Variants in FHIT observed in about 807,000 individuals in gnomAD.
The protein encoded by FHIT is fragile histidine triad diadenosine triphosphatase, also known as bis(5'-adenosyl)-triphosphatase.
Under a neutral mutation model 17.9 loss-of-function variants are expected in FHIT, and 19 were observed. The observed-to-expected ratio is 1.06, with a 90% CI of 0.74 to 1.56. FHIT has a LOEUF of 1.56. Ranked by LOEUF, FHIT falls within the 40% of genes most tolerant of loss-of-function variation. The pLI, the probability that FHIT is intolerant of heterozygous loss-of-function variation, is 0.00. For missense variants in FHIT, 248 were observed against 189.2 expected (o/e 1.31, Z -1.82); for synonymous variants, 81 against 69.7 (o/e 1.16, Z -0.81).
chr3:59,875,741 T>G (rs953152765), intron 8 of FHIT, among the ~76,000 whole-genome samples: 2 of 152,150 alleles, frequency 1.3e-5, no homozygotes, highest in Admixed American at 1.3e-4. Context: ...AACGATGGCT[T>G]AACAAGAGAT....
intron 5 of FHIT, among the ~76,000 whole-genome samples, chr3:60,209,626 A>G (rs1703357771): frequency 1.3e-5 from 2 of 152,298 alleles, no homozygotes; most frequent in South Asian, 4.2e-4. Context: ...TTCAGCCAAC[A>G]AGGAAAGTGA....
At chr3:60,122,687 G>C (rs28716988) in intron 5 of FHIT, among the ~76,000 whole-genome samples, 24,642 of 152,086 alleles carry the variant, frequency 0.16, 2,108 homozygotes, top group African/African-American at 0.19. Flanking sequence ...TAGAAACTTT[G>C]GCTGGGGAGA....
chr3:60,154,342 C>T (rs903303075), intron 5 of FHIT, among the ~76,000 whole-genome samples: 1 of 152,130 alleles, frequency 6.6e-6, no homozygotes, highest in African/African-American at 2.4e-5. Context: ...GGTCAAAAAC[C>T]AAACAGGCCA....
intron 5 of FHIT, among the ~76,000 whole-genome samples, chr3:60,209,304 A>G (rs1337487660): frequency 6.6e-6 from 1 of 152,212 alleles, no homozygotes. Flanking sequence ...AAGTATGTGC[A>G]CAGCTATATT....
chr3:59,754,952 CCCACCCCAGGGATTCTGATTT>C, intron 8 of FHIT, among the ~76,000 whole-genome samples: 1 of 123,476 alleles, frequency 8.1e-6, no homozygotes, highest in Non-Finnish European at 1.9e-5. Flanking sequence ...AAAAATAAAA[CCCACCCCAGGGATTCTGATTT>C]AATTGGTCTG....
intron 3 of FHIT, among the ~76,000 whole-genome samples, chr3:60,840,954 T>C (rs1033234182): frequency 2.0e-5 from 3 of 152,220 alleles, no homozygotes; most frequent in Non-Finnish European, 4.4e-5. Flanking sequence ...TCATGTACAT[T>C]TTGCTTGATA....
Position 60,156,274 on chromosome 3 carries a change from C to T in FHIT, c.104-142122G>A, listed in dbSNP as rs185138807. ...CTGAGGCAGGAGAGTTGCTTGAACC[C>T]GGGAGGCAGAGGTTGCAGTGAGCCG... On this transcript the variant is annotated intron_variant, in intron 5 of 9. Transcript: ENST00000492590. Among the ~76,000 whole-genome samples the T allele has an allele frequency of 3.6e-4, 54 of 150,490 alleles. No individual in the cohort carries two copies. In the East Asian group the frequency reaches 6.9e-3, roughly 19 times the overall value.
chr3:60,787,375 C>T (rs1700619576), intron 4 of FHIT, among the ~76,000 whole-genome samples: 1 of 152,146 alleles, frequency 6.6e-6, no homozygotes, highest in African/African-American at 2.4e-5. Context: ...CTCTCCTGGA[C>T]CCCTCATCCT....
rs1459013183 is a variant in FHIT at position 60,348,117 on chromosome 3, G to A, written c.103+188743C>T. Among the ~76,000 whole-genome samples the A allele has an allele frequency of 1.2e-4, 9 of 72,172 alleles. No homozygotes were observed. In the South Asian group the frequency reaches 3.3e-3, roughly 27 times the overall value. 47.3% of individuals were successfully genotyped at this position (72,172 alleles called of 152,430 possible). On this transcript the variant is annotated intron_variant, in intron 5 of 9. Transcript: ENST00000492590. ...ATTAGTAACATGAATAATCCTGTAA[G>A]GGCAAAAAGTATACTGAAAAAAAAA... is the stretch of plus-strand genomic sequence containing the variant.
intron 5 of FHIT, among the ~76,000 whole-genome samples, chr3:60,228,403 T>C (rs1239805706): frequency 1.3e-5 from 2 of 152,182 alleles, no homozygotes; most frequent in Non-Finnish European, 2.9e-5. Flanking sequence ...GTAGTTATGA[T>C]TGTATGACCT....
chr3:61,015,744 T>C lies in FHIT; in HGVS notation c.-111+26303A>G, dbSNP rs143432932. On this transcript the variant is annotated intron_variant, in intron 3 of 9. Coordinates refer to ENST00000492590, the MANE Select transcript of FHIT (RefSeq NM_002012.4). ...CCTTCCTTTCTATTCCACTTTAGTATAGCAATTACAGGCCTCTGAGTTTGG... is the reference window on the plus strand; with the variant it reads ...CCTTCCTTTCTATTCCACTTTAGTACAGCAATTACAGGCCTCTGAGTTTGG... 2.8e-3 allele frequency among the ~76,000 whole-genome samples: 433 copies of C among 152,292 alleles called. 6 individuals are homozygous for C. The highest frequency in any genetic ancestry group is 9.7e-3 in the African/African-American group (402 of 41,564).
At chr3:60,014,271 A>C in intron 5 of FHIT, 119 bp from the exon 6 acceptor site, 1 of 940,480 alleles carries the variant, frequency 1.1e-6, no homozygotes, top group Non-Finnish European at 1.6e-6. Flanking sequence ...AAGACTAAGG[A>C]ATGAAGAAAC....
chr3:60,860,032 G>C (rs1277403675), intron 3 of FHIT, among the ~76,000 whole-genome samples: 1 of 79,208 alleles, frequency 1.3e-5, no homozygotes, highest in African/African-American at 6.3e-5. Flanking sequence ...GAAGAAGTGG[G>C]ACTACATCTC....
At chr3:59,986,494 C>A in intron 7 of FHIT, among the ~76,000 whole-genome samples, 1 of 112,766 alleles carries the variant, frequency 8.9e-6, no homozygotes, top group African/African-American at 3.8e-5. Context: ...AGAAAGTAGT[C>A]CAAAATATAT....
intron 5 of FHIT, among the ~76,000 whole-genome samples, chr3:60,472,607 G>C (rs2033145104): frequency 6.6e-6 from 1 of 152,062 alleles, no homozygotes; most frequent in Non-Finnish European, 1.5e-5. Context: ...CTGACCTCAT[G>C]ATCCGCCCGT....
intron 5 of FHIT, among the ~76,000 whole-genome samples, chr3:60,267,173 A>G (rs1706622843): frequency 1.3e-5 from 2 of 152,026 alleles, no homozygotes; most frequent in African/African-American, 4.8e-5. Context: ...AAAAAATAAA[A>G]AAGTATACAT....
chr3:60,148,735 TTC>T (rs1700341307), intron 5 of FHIT, among the ~76,000 whole-genome samples: 1 of 152,214 alleles, frequency 6.6e-6, no homozygotes, highest in African/African-American at 2.4e-5. Context: ...GACCTTGGGA[TTC>T]TTTTAAAGCC....
intron 3 of FHIT, among the ~76,000 whole-genome samples, chr3:60,890,976 G>A (rs6803394): frequency 0.27 from 41,740 of 152,084 alleles, 6,951 homozygotes; most frequent in African/African-American, 0.46. Flanking sequence ...ATGGGCATTC[G>A]TCAATAGGTT....
At chr3:60,349,105 G>C (rs1576516035) in intron 5 of FHIT, among the ~76,000 whole-genome samples, 3 of 152,042 alleles carry the variant, frequency 2.0e-5, no homozygotes, top group East Asian at 3.9e-4. Context: ...TAGAACATCA[G>C]GTTGCATAAA....
Sources: allele counts gnomAD v4.1 joint callset (sites outside exome capture counted in the v4.1 genomes callset), GRCh38; gene constraint gnomAD v4.1.1; transcripts MANE v1.5; gene names NCBI Gene and HGNC (gene_info 2026-07-23, HGNC 2026-07-21).